The following DENND4A variants were observed in gnomAD, a reference collection of about 807,000 sequenced individuals.
The protein encoded by DENND4A is DENN domain containing 4A.
DENND4A carries 70 observed loss-of-function variants against 199.3 expected under a neutral mutation model. The ratio of observed to expected loss-of-function variants is 0.35; its 90% CI spans 0.29 to 0.43. DENND4A has a LOEUF of 0.43. Ranked by LOEUF, DENND4A falls within the 20% of genes least tolerant of loss-of-function variation. The probability of loss-of-function intolerance (pLI) is 1.00; values close to 1 mark genes in which losing one functional copy is unlikely to be tolerated. For synonymous variants in DENND4A, 686 were observed against 766.9 expected, an observed-to-expected ratio of 0.89 and a Z score of 1.74; for missense variants, 1,723 against 2,255.8, an observed-to-expected ratio of 0.76 and a Z score of 4.78.
At chr15:65,780,724 C>T (rs1411470945) in intron 1 of DENND4A, among the ~76,000 whole-genome samples, 2 of 152,212 alleles carry the variant, frequency 1.3e-5, no homozygotes, top group Non-Finnish European at 2.9e-5. Context: ...GTTCTAAGTA[C>T]TTTACTTGCA....
At chr15:65,758,394 G>A (rs993016894) in intron 2 of DENND4A, among the ~76,000 whole-genome samples, 3 of 152,150 alleles carry the variant, frequency 2.0e-5, no homozygotes. Context: ...GCTCACTGCA[G>A]CCTTGACCAC....
intron 22 of DENND4A, among the ~76,000 whole-genome samples, chr15:65,695,474 TATA>T (rs1771026123): frequency 6.6e-6 from 1 of 152,196 alleles, no homozygotes; most frequent in South Asian, 2.1e-4. Flanking sequence ...TGCAGGCTAG[TATA>T]ATAATAGGCT....
chr15:65,678,716 G>A (rs1387883877), intron 23 of DENND4A, among the ~76,000 whole-genome samples: 1 of 152,096 alleles, frequency 6.6e-6, no homozygotes, highest in African/African-American at 2.4e-5. Context: ...TTTTGAGACA[G>A]TTTCACTGTG....
At chr15:65,703,051 G>A in intron 15 of DENND4A, 43 bp from the exon 16 acceptor site, 1 of 1,579,904 alleles carries the variant, frequency 6.3e-7, no homozygotes, top group Non-Finnish European at 8.6e-7. Flanking sequence ...GAGTTCTCAA[G>A]CACACATAGA....
At chr15:65,688,946 G>A (rs920571720) in intron 23 of DENND4A, among the ~76,000 whole-genome samples, 11 of 152,176 alleles carry the variant, frequency 7.2e-5, no homozygotes, top group Non-Finnish European at 1.6e-4. Context: ...TACCACAGTG[G>A]AACCAGTATT....
intron 17 of DENND4A, 60 bp downstream of exon 17, chr15:65,702,245 G>C: frequency 7.4e-7 from 1 of 1,355,700 alleles, no homozygotes; most frequent in Non-Finnish European, 1.0e-6. Context: ...CTCCAGCCTG[G>C]GTGACAGAGT....
In DENND4A at chr15:65,687,033, T is replaced by C. The variant is rs1411802772; in HGVS notation, c.4179+3382A>G. On this transcript the variant is annotated intron_variant, in intron 23 of 32. Coordinates refer to ENST00000443035, the MANE Select transcript of DENND4A (RefSeq NM_001320835.1). ...CTGCCTTTTAATTGAGGTGTTTAGA[T>C]TGTTATCATTTAATTATTCATATGG... is the stretch of plus-strand genomic sequence containing the variant. 3.3e-5 allele frequency among the ~76,000 whole-genome samples: 5 copies of C among 152,142 alleles called. No individual in the cohort carries two copies. The East Asian group carries it at 7.7e-4, about 23-fold the overall frequency.
At position 65,756,383 on chromosome 15, in the gene DENND4A, T is replaced by G; in HGVS notation, c.68A>C (p.Lys23Thr). The stretch of plus-strand genomic sequence containing the variant: ...GAAGTGAATTTCTTCTTCTAGAGGC[T>G]TTGAAACATCAGTTAATCCTGCTAC... ...FVVAGLTDVSKPLEEEIHFND... is the reference protein window; with the variant it reads ...FVVAGLTDVSTPLEEEIHFND... Residue 23 changes from lysine (K) to threonine (T), a missense_variant, in exon 3 of 33, where the codon AAG becomes ACG. Coordinates refer to ENST00000443035, the MANE Select transcript of DENND4A (RefSeq NM_001320835.1). The G allele has an allele frequency of 6.2e-7, 1 of 1,613,958 alleles. No homozygotes were observed. The highest frequency in any genetic ancestry group is 1.1e-5 in the South Asian group (1 of 91,088).
chr15:65,682,575 CTGTT>C (rs1238310352), intron 23 of DENND4A, among the ~76,000 whole-genome samples: 1 of 152,174 alleles, frequency 6.6e-6, no homozygotes, highest in African/African-American at 2.4e-5. Flanking sequence ...GGCAATAACA[CTGTT>C]TTGCTGTCTT....
chr15:65,703,361 G>T lies in DENND4A; in HGVS notation c.2088-353C>A, dbSNP rs543076935. ...TAGATAATATGACAGTTGGTAAAAG[G>T]CCTACCAAATTAAGACTCTTTCAAA... On this transcript the variant is annotated intron_variant, in intron 15 of 32. Transcript: ENST00000443035. Among the ~76,000 whole-genome samples the T allele has an allele frequency of 7.2e-5, 11 of 152,270 alleles. No homozygotes were observed. In the South Asian group the frequency reaches 2.3e-3, roughly 32 times the overall value.
intron 23 of DENND4A, among the ~76,000 whole-genome samples, chr15:65,688,050 T>C (rs1404394468): frequency 2.0e-5 from 3 of 152,192 alleles, no homozygotes; most frequent in Non-Finnish European, 4.4e-5. Context: ...TTCCTTTTGA[T>C]ATTGTCACAC....
chr15:65,674,841 T>A (rs1427854373), intron 24 of DENND4A, among the ~76,000 whole-genome samples: 1 of 152,142 alleles, frequency 6.6e-6, no homozygotes, highest in African/African-American at 2.4e-5. Context: ...TGAATAAAAT[T>A]ATACATTGTC....
intron 4 of DENND4A, among the ~76,000 whole-genome samples, chr15:65,745,777 C>G (rs1317393297): frequency 6.6e-6 from 1 of 151,884 alleles, no homozygotes; most frequent in Admixed American, 6.6e-5. Context: ...TAATGAAAAA[C>G]AAGGAGTTAG....
intron 14 of DENND4A, among the ~76,000 whole-genome samples, chr15:65,712,015 T>A (rs1042651270): frequency 2.0e-5 from 3 of 152,244 alleles, no homozygotes; most frequent in African/African-American, 7.2e-5. Flanking sequence ...CCATTTGAAG[T>A]ATGGCTAATC....
chr15:65,786,039 T>C (rs756804940), intron 1 of DENND4A, among the ~76,000 whole-genome samples: 1 of 152,070 alleles, frequency 6.6e-6, no homozygotes, highest in African/African-American at 2.4e-5. Flanking sequence ...AAATATCTTA[T>C]AAAGGGAAAA....
At chr15:65,762,135 G>A (rs924446809) in intron 1 of DENND4A, among the ~76,000 whole-genome samples, 7 of 152,066 alleles carry the variant, frequency 4.6e-5, no homozygotes, top group Admixed American at 2.0e-4. Context: ...AGCCTCCCGA[G>A]TAGCCGGGAT....
At chr15:65,716,709 T>C (rs1338383745) in intron 13 of DENND4A, among the ~76,000 whole-genome samples, 1 of 151,796 alleles carries the variant, frequency 6.6e-6, no homozygotes, top group East Asian at 1.9e-4. Context: ...TAAACATACG[T>C]GTGCATGTGT....
At position 65,709,586 on chromosome 15, in the gene DENND4A, C is replaced by G. The variant is rs950253155; in HGVS notation, c.1954-3362G>C. On this transcript the variant is annotated intron_variant, in intron 14 of 32. Transcript: ENST00000443035. ...GCACACGCCTGTAATCCCAGCTACT[C>G]GGGAAGCTAAGGCAGGAGAACTGCT... Among the ~76,000 whole-genome samples the G allele has an allele frequency of 9.5e-5, 14 of 148,036 alleles. No individual in the cohort carries two copies. The South Asian group carries it at 1.3e-3, about 14-fold the overall frequency.
At chr15:65,729,034 T>G in intron 11 of DENND4A, 38 bp downstream of exon 11, 1 of 1,524,648 alleles carries the variant, frequency 6.6e-7, no homozygotes, top group South Asian at 1.2e-5. Flanking sequence ...GCTACAAAGT[T>G]GTAAAATATA....
Sources: gnomAD v4.1 joint callset for allele counts (sites outside exome capture counted in the v4.1 genomes callset) on GRCh38, gnomAD v4.1.1 for gene constraint, MANE v1.5 for transcripts, NCBI Gene and HGNC (gene_info 2026-07-23, HGNC 2026-07-21) for gene names.